The following AKAP14 variants were observed in gnomAD, a reference collection of about 807,000 sequenced individuals.
The protein encoded by AKAP14 is A-kinase anchor protein 14.
A neutral mutation model predicts 17.0 loss-of-function variants in AKAP14; 4 were observed. The ratio of observed to expected loss-of-function variants is 0.23; its 90% CI spans 0.12 to 0.54. AKAP14 has a LOEUF of 0.54. AKAP14 is among the 20% of genes least tolerant of loss of function. The pLI is 0.95. For synonymous variants in AKAP14, 42 were observed against 51.3 expected, an observed-to-expected ratio of 0.82 and a Z score of 0.77; for missense variants, 129 against 150.9, an observed-to-expected ratio of 0.85 and a Z score of 0.76.
intron 2 of AKAP14, among the ~76,000 whole-genome samples, chrX:119,897,318 G>C (rs755354838): frequency 1.2e-4 from 13 of 108,928 alleles, no homozygotes; most frequent in Admixed American, 2.0e-4. Flanking sequence ...CGCCACCACG[G>C]CTGGCTAATT....
chrX:119,908,983 G>T (rs2056613066), intron 4 of AKAP14, among the ~76,000 whole-genome samples: 1 of 111,177 alleles, frequency 9.0e-6, no homozygotes, highest in Non-Finnish European at 1.9e-5. Flanking sequence ...CACTGAGCGG[G>T]CTGCTCAGGA....
chrX:119,904,222 G>A (rs1210128078), intron 4 of AKAP14, among the ~76,000 whole-genome samples: 1 of 112,098 alleles, frequency 8.9e-6, no homozygotes, highest in African/African-American at 3.2e-5. Flanking sequence ...ACAGGTGTGA[G>A]CCATTGCACC....
intron 4 of AKAP14, among the ~76,000 whole-genome samples, chrX:119,913,935 TA>T (rs1345495092): frequency 3.6e-5 from 4 of 109,783 alleles, no homozygotes; most frequent in Non-Finnish European, 7.6e-5. Flanking sequence ...TTGACCCCAA[TA>T]AAAAAATATT....
chrX:119,920,477 T>C, intron 6 of AKAP14, 31 bp from the exon 7 acceptor site: 8 of 1,113,026 alleles, frequency 7.2e-6, no homozygotes, highest in Non-Finnish European at 7.4e-6. Flanking sequence ...TTAAAAATAC[T>C]TTAAAAGTGT....
rs10637499 is a variant in AKAP14 at position 119,906,225 on chromosome X, C to CTTTTTTTT, written c.261+2659_261+2666dup. 6.1e-4 allele frequency among the ~76,000 whole-genome samples: 31 copies of CTTTTTTTT among 50,889 alleles called. 3 individuals carry two copies. The highest frequency in any genetic ancestry group is 2.6e-3 in the African/African-American group (29 of 11,339). 44.2% of individuals were successfully genotyped at this position (50,889 alleles called of 115,157 possible). On this transcript the variant is annotated intron_variant, in intron 4 of 6. Coordinates refer to ENST00000371431, the MANE Select transcript of AKAP14 (RefSeq NM_178813.6). The stretch of plus-strand genomic sequence containing the variant: ...CACTAATGCAGCATGCCTGGCATTT[C>CTTTTTTTT]TTTTTTTTTTTTTTTTTTTTTTTTT...
intron 4 of AKAP14, among the ~76,000 whole-genome samples, chrX:119,907,212 C>A (rs1284497103): frequency 9.3e-6 from 1 of 108,042 alleles, no homozygotes; most frequent in Non-Finnish European, 1.9e-5. Flanking sequence ...CTCACTGCAA[C>A]CTCTGCCTCC....
chrX:119,908,289 A>G (rs1004823925), intron 4 of AKAP14, among the ~76,000 whole-genome samples: 1 of 99,975 alleles, frequency 1.0e-5, no homozygotes, highest in Non-Finnish European at 2.0e-5. Context: ...TCTGTCAAAA[A>G]AAAAAAAAAA....
chrX:119,907,420 T>C (rs2056603877), intron 4 of AKAP14, among the ~76,000 whole-genome samples: 1 of 110,658 alleles, frequency 9.0e-6, no homozygotes, highest in Non-Finnish European at 1.9e-5. Context: ...CGTGAGCCAC[T>C]GTGCCTGGCC....
At chrX:119,906,426 G>A (rs1251258033) in intron 4 of AKAP14, among the ~76,000 whole-genome samples, 9 of 108,181 alleles carry the variant, frequency 8.3e-5, no homozygotes. Context: ...GTAGAGACAG[G>A]GTTTCACCAT....
chrX:119,920,567 G>A lies in AKAP14; in HGVS notation c.554G>A (p.Ser185Asn), dbSNP rs745784831. 4 of 1,208,247 alleles carry A rather than the reference G, an allele frequency of 3.3e-6. No homozygotes were observed. Among genetic ancestry groups the A allele is most frequent in the Non-Finnish European group, 4.5e-6 (4 of 893,151 alleles). The change falls in exon 7 of 7, where the codon AGT becomes AAT. Residue 185 changes from serine to asparagine, a missense_variant. Coordinates refer to ENST00000371431, the MANE Select transcript of AKAP14 (RefSeq NM_178813.6). Reference protein sequence around the residue: ...WQKNLTDAKYSFMESFPFLFN... With the variant: ...WQKNLTDAKYNFMESFPFLFN... ...AAGAATCTTACTGATGCCAAATATAGTTTCATGGAGTCATTCCCCTTCTTA... is the reference window on the plus strand; with the variant it reads ...AAGAATCTTACTGATGCCAAATATAATTTCATGGAGTCATTCCCCTTCTTA...
Position 119,896,257 on chromosome X carries a change from T to C in AKAP14, c.-21T>C, listed in dbSNP as rs1035718671. 28 of 109,508 alleles carry C rather than the reference T, an allele frequency of 2.6e-4. No individual in the cohort carries two copies. Among genetic ancestry groups the C allele is most frequent in the African/African-American group, 8.7e-4 (26 of 29,906 alleles). 9.0% of individuals were successfully genotyped at this position (109,508 alleles called of 1,213,427 possible). On this transcript the variant is annotated 5_prime_UTR_variant, in exon 2 of 7. Transcript: ENST00000371431. ...GCTCCTGTTCCAAGCAAAGAAGATCTGCTCACTCCGGTACTGGGGATTCTC... is the reference window on the plus strand; with the variant it reads ...GCTCCTGTTCCAAGCAAAGAAGATCCGCTCACTCCGGTACTGGGGATTCTC...
At chrX:119,910,882 G>A (rs887216659) in intron 4 of AKAP14, among the ~76,000 whole-genome samples, 8 of 107,989 alleles carry the variant, frequency 7.4e-5, no homozygotes, top group Admixed American at 1.0e-4. Flanking sequence ...GGCTGGTCTC[G>A]AACTCCCGAC....
intron 4 of AKAP14, among the ~76,000 whole-genome samples, chrX:119,912,139 C>T (rs180711993): frequency 1.8e-5 from 2 of 110,267 alleles, no homozygotes; most frequent in African/African-American, 3.3e-5. Context: ...CCATGTTGGC[C>T]GAGCTGGTCT....
At chrX:119,915,830 C>T (rs889395968) in intron 5 of AKAP14, among the ~76,000 whole-genome samples, 2 of 111,224 alleles carry the variant, frequency 1.8e-5, no homozygotes, top group African/African-American at 6.5e-5. Context: ...CTTACTACTC[C>T]ACTTCTATCA....
At chrX:119,916,903 C>T (rs1451871765) in intron 5 of AKAP14, among the ~76,000 whole-genome samples, 9 of 101,678 alleles carry the variant, frequency 8.9e-5, no homozygotes, top group Non-Finnish European at 1.4e-4. Flanking sequence ...GTCAGGAGTT[C>T]GAGACCAGCC....
chrX:119,918,240 G>GT (rs1477297667), intron 5 of AKAP14, among the ~76,000 whole-genome samples: 40 of 107,470 alleles, frequency 3.7e-4, no homozygotes, highest in Non-Finnish European at 4.7e-4. Context: ...GTTTTGTTTT[G>GT]TTTTTTTTTT....
chrX:119,903,685 A>G (rs1291554557), intron 4 of AKAP14, 99 bp downstream of exon 4: 9 of 1,161,701 alleles, frequency 7.7e-6, no homozygotes, highest in Non-Finnish European at 8.1e-6. Context: ...AATCTAGGAG[A>G]TGGTATCAAA....
At chrX:119,915,128 C>A (rs2056650301) in intron 5 of AKAP14, among the ~76,000 whole-genome samples, 1 of 111,637 alleles carries the variant, frequency 9.0e-6, no homozygotes, top group Non-Finnish European at 1.9e-5. Flanking sequence ...CAGTCCGTCT[C>A]TACTGGTAGT....
chrX:119,907,567 C>G (rs142225333), intron 4 of AKAP14, among the ~76,000 whole-genome samples: 1,265 of 111,343 alleles, frequency 0.011, 24 homozygotes, highest in African/African-American at 0.038. Flanking sequence ...AAGTGATCCT[C>G]CTGCCTCAGC....
Sources: allele counts gnomAD v4.1 joint callset (sites outside exome capture counted in the v4.1 genomes callset), GRCh38; gene constraint gnomAD v4.1.1; transcripts MANE v1.5; gene names NCBI Gene and HGNC (gene_info 2026-07-23, HGNC 2026-07-21).